Variants in TMEM123 observed in about 807,000 individuals in gnomAD.
TMEM123 encodes porimin.
TMEM123 carries 16 observed loss-of-function variants against 19.7 expected under a neutral mutation model. That is an observed-to-expected ratio of 0.81 (90% CI 0.55 to 1.23). The LOEUF (loss-of-function observed/expected upper bound fraction) is 1.23, where lower values mean the gene tolerates loss of function less well. Ranked by LOEUF, TMEM123 falls within the 50% of genes most tolerant of loss-of-function variation. TMEM123 has a pLI of 0.00. For synonymous variants in TMEM123, 118 were observed against 99.4 expected (o/e 1.19, Z -1.12); for missense variants, 313 against 257.8 (o/e 1.21, Z -1.47).
chr11:102,408,126 CTATT>C (rs376653642), intron 2 of TMEM123, among the ~76,000 whole-genome samples: 2,737 of 152,262 alleles, frequency 0.018, 39 homozygotes, highest in Non-Finnish European at 0.029. Context: ...AAGAACTTCT[CTATT>C]TAACTCCTGG....
At chr11:102,440,760 TAAAG>T (rs1167318716) in intron 2 of TMEM123, among the ~76,000 whole-genome samples, 1 of 152,120 alleles carries the variant, frequency 6.6e-6, no homozygotes, top group Admixed American at 6.5e-5. Context: ...GCAAATTGGA[TAAAG>T]AGTCAAGACT....
intron 1 of TMEM123, among the ~76,000 whole-genome samples, chr11:102,451,444 G>A (rs1317984242): frequency 6.6e-6 from 1 of 152,190 alleles, no homozygotes; most frequent in African/African-American, 2.4e-5. Flanking sequence ...AAGAAAAATT[G>A]TTAATTCACC....
chr11:102,410,511 CAA>C (rs796159138), intron 2 of TMEM123, among the ~76,000 whole-genome samples: 17 of 105,334 alleles, frequency 1.6e-4, no homozygotes, highest in South Asian at 3.0e-4. Context: ...CTGTTAGTTA[CAA>C]AAAAAAAAAA....
chr11:102,437,045 C>A (rs1041437180), intron 2 of TMEM123, among the ~76,000 whole-genome samples: 10 of 152,094 alleles, frequency 6.6e-5, no homozygotes, highest in African/African-American at 1.9e-4. Flanking sequence ...AGGAAAAAAA[C>A]CAAATATTTT....
chr11:102,400,190 T>C (rs1307592398), intron 4 of TMEM123, among the ~76,000 whole-genome samples: 4 of 152,228 alleles, frequency 2.6e-5, no homozygotes, highest in Non-Finnish European at 4.4e-5. Flanking sequence ...AAGATTCCAA[T>C]GGCCTATTCC....
intron 2 of TMEM123, among the ~76,000 whole-genome samples, chr11:102,409,798 G>C (rs2135846583): frequency 6.6e-6 from 1 of 152,116 alleles, no homozygotes; most frequent in South Asian, 2.1e-4. Flanking sequence ...CTGGGAGGCA[G>C]AGGTTGCAGT....
chr11:102,401,620 ACAAT>A lies in TMEM123; in HGVS notation c.517_520del (p.Ile173TyrfsTer2). On this transcript the variant is annotated frameshift_variant, in exon 4 of 5. Coordinates refer to ENST00000398136, the MANE Select transcript of TMEM123 (RefSeq NM_052932.3). LOFTEE classifies it high-confidence loss of function. Reference sequence around the variant, plus strand: ...AATAGATAAAACTCCCAGCGTTAATACAATACCACCAACAAAGCTCCCAGTATCA... The same window carrying A: ...AATAGATAAAACTCCCAGCGTTAATAACCACCAACAAAGCTCCCAGTATCA... 2 of 1,609,036 alleles carry A rather than the reference ACAAT, an allele frequency of 1.2e-6. No individual in the cohort carries two copies. Among genetic ancestry groups the A allele is most frequent in the Non-Finnish European group, 1.7e-6 (2 of 1,178,798 alleles).
At chr11:102,403,519 AAT>A (rs1265984447) in intron 2 of TMEM123, among the ~76,000 whole-genome samples, 4 of 152,196 alleles carry the variant, frequency 2.6e-5, no homozygotes, top group African/African-American at 9.7e-5. Flanking sequence ...GAAAGCTTTT[AAT>A]ATGTCTTTGT....
chr11:102,423,508 T>C (rs904192487), intron 2 of TMEM123, among the ~76,000 whole-genome samples: 15 of 152,184 alleles, frequency 9.9e-5, no homozygotes, highest in South Asian at 2.1e-4. Context: ...TAGCCAGCCA[T>C]GTGAGCAAGC....
At chr11:102,432,808 G>A (rs1388981685) in intron 2 of TMEM123, among the ~76,000 whole-genome samples, 6 of 152,256 alleles carry the variant, frequency 3.9e-5, no homozygotes, top group Non-Finnish European at 7.3e-5. Context: ...TGGGGACATA[G>A]TGCCCTGCGT....
intron 1 of TMEM123, 62 bp from the exon 2 acceptor site, chr11:102,448,930 G>T: frequency 2.0e-6 from 3 of 1,531,212 alleles, no homozygotes; most frequent in East Asian, 2.3e-5. Flanking sequence ...CTGGCAGTAT[G>T]TGGTTTTCTG....
At chr11:102,451,670 T>A (rs944799436) in intron 1 of TMEM123, among the ~76,000 whole-genome samples, 36 of 152,230 alleles carry the variant, frequency 2.4e-4, no homozygotes, top group African/African-American at 7.2e-4. Context: ...GAAAACAGTA[T>A]TTACACAACA....
chr11:102,446,119 G>C (rs1416773353), intron 2 of TMEM123, among the ~76,000 whole-genome samples: 1 of 152,144 alleles, frequency 6.6e-6, no homozygotes, highest in South Asian at 2.1e-4. Context: ...TCTAGTTACT[G>C]ATGAGATGTG....
In TMEM123 at chr11:102,401,614, G is replaced by T; in HGVS notation, c.527C>A (p.Thr176Lys). ...TGSFVGGIVL[T>K]LGVLSILYIG... is the part of the protein sequence containing the mutation. ...GTAAAGAATAGATAAAACTCCCAGC[G>T]TTAATACAATACCACCAACAAAGCT... The change falls in exon 4 of 5, where the codon ACG becomes AAG. Residue 176 changes from threonine to lysine, a missense_variant. Coordinates refer to ENST00000398136, the MANE Select transcript of TMEM123 (RefSeq NM_052932.3). 2 of 1,607,760 alleles carry T rather than the reference G, an allele frequency of 1.2e-6. No homozygotes were observed. The highest frequency in any genetic ancestry group is 8.5e-7 in the Non-Finnish European group (1 of 1,178,476).
intron 2 of TMEM123, among the ~76,000 whole-genome samples, chr11:102,419,064 C>T (rs539198739): frequency 2.6e-5 from 4 of 152,108 alleles, no homozygotes; most frequent in East Asian, 1.9e-4. Flanking sequence ...TTGAGTACTA[C>T]GCTCATTACC....
At chr11:102,407,047 A>C (rs1192517112) in intron 2 of TMEM123, among the ~76,000 whole-genome samples, 1 of 152,058 alleles carries the variant, frequency 6.6e-6, no homozygotes, top group African/African-American at 2.4e-5. Context: ...TGAGAACCAC[A>C]CATCTGCCAT....
chr11:102,399,935 A>G (rs975537526), intron 4 of TMEM123, among the ~76,000 whole-genome samples: 1 of 151,174 alleles, frequency 6.6e-6, no homozygotes, highest in Non-Finnish European at 1.5e-5. Context: ...GTGCCATTGC[A>G]CTCCAGCCTG....
At position 102,398,370 on chromosome 11, in the gene TMEM123, A is replaced by C; in HGVS notation, c.*497T>G. On this transcript the variant is annotated 3_prime_UTR_variant, in exon 5 of 5. Transcript: ENST00000398136. ...CAAAAAATGTTGATGTTTTTCTTAA[A>C]TTATGCTTCAGATCTAGTTTGATTG... is the stretch of plus-strand genomic sequence containing the variant. 2.6e-6 allele frequency: 1 copy of C among 390,480 alleles called. No homozygotes were observed. Among genetic ancestry groups the C allele is most frequent in the Non-Finnish European group, 4.5e-6 (1 of 221,546 alleles). The allele number at this position is 390,480 out of a possible 1,614,324, so 24.2% of individuals were successfully genotyped here.
At chr11:102,439,832 A>G (rs1467983400) in intron 2 of TMEM123, among the ~76,000 whole-genome samples, 2 of 152,198 alleles carry the variant, frequency 1.3e-5, no homozygotes, top group Non-Finnish European at 2.9e-5. Context: ...GGCTAACTAG[A>G]ATAAATAGCA....
Sources: allele counts gnomAD v4.1 joint callset (sites outside exome capture counted in the v4.1 genomes callset), GRCh38; gene constraint gnomAD v4.1.1; transcripts MANE v1.5; gene names NCBI Gene and HGNC (gene_info 2026-07-23, HGNC 2026-07-21).